The following CNOT3 variants were observed in gnomAD, a reference collection of about 807,000 sequenced individuals.
CNOT3 encodes CCR4-associated factor 3.
In CNOT3, 2 loss-of-function variants were observed where a neutral mutation model predicts 89.4. The observed-to-expected ratio is 0.02, with a 90% CI of 0.01 to 0.07. The LOEUF is 0.07. Among genes scored for constraint, CNOT3 ranks in the 10% least tolerant of loss-of-function variants. CNOT3 has a pLI of 1.00. For synonymous variants in CNOT3, 486 were observed against 402.0 expected, an observed-to-expected ratio of 1.21 and a Z score of -2.50; for missense variants, 664 against 1,010.2, an observed-to-expected ratio of 0.66 and a Z score of 4.65.
intron 12 of CNOT3, 60 bp from the exon 13 acceptor site, chr19:54,149,500 C>T (rs1600469135): frequency 8.0e-6 from 9 of 1,131,266 alleles, no homozygotes; most frequent in Non-Finnish European, 9.9e-6. Flanking sequence ...CCAGGCCTCT[C>T]TGCCCATCCC....
intron 10 of CNOT3, among the ~76,000 whole-genome samples, chr19:54,147,683 A>G (rs889180211): frequency 1.2e-4 from 18 of 152,218 alleles, no homozygotes; most frequent in African/African-American, 4.3e-4. Flanking sequence ...GGTAACTTCC[A>G]GCCCTGTGAG....
intron 1 of CNOT3, 49 bp from the exon 2 acceptor site, chr19:54,142,880 T>C: frequency 1.6e-6 from 2 of 1,287,848 alleles, no homozygotes; most frequent in Admixed American, 1.7e-5. Context: ...CTCTGGGTTT[T>C]TACCAGCCAG....
Position 54,154,032 on chromosome 19 carries a change from A to G in CNOT3, c.2163+192A>G, listed in dbSNP as rs1429100148. 6 of 765,688 alleles carry G rather than the reference A, an allele frequency of 7.8e-6. No homozygotes were observed. In the African/African-American group the frequency reaches 1.0e-4, roughly 13 times the overall value. The allele number at this position is 765,688 out of a possible 1,614,324, so 47.4% of individuals were successfully genotyped here. A position where few individuals can be genotyped will look rare whatever the true frequency, so the allele number is the denominator to read the frequency against. On this transcript the variant is annotated intron_variant, in intron 17 of 17. Transcript: ENST00000221232. ...CCGCCCTCTCATCCTCCACTTGGCC[A>G]GCTCCTAGGCCTCCTGTAGGTCTCA...
intron 1 of CNOT3, chr19:54,141,486 A>T (rs1394867213): frequency 1.3e-5 from 2 of 152,206 alleles, no homozygotes; most frequent in Admixed American, 1.3e-4. Flanking sequence ...TGCTAGTCAC[A>T]TGTGGTGATT....
At chr19:54,146,752 C>A in intron 10 of CNOT3, 95 bp downstream of exon 10, 1 of 785,610 alleles carries the variant, frequency 1.3e-6, no homozygotes, top group Non-Finnish European at 2.3e-6. Flanking sequence ...CTGTGCTGGG[C>A]TGGTGGACAC....
intron 1 of CNOT3, among the ~76,000 whole-genome samples, chr19:54,140,580 C>T (rs1388023683): frequency 1.3e-5 from 2 of 152,100 alleles, no homozygotes; most frequent in Non-Finnish European, 2.9e-5. Context: ...TAGGGATTTT[C>T]TTAGCGGGGA....
Position 54,145,744 on chromosome 19 carries a change from T to C in CNOT3, c.630T>C (p.Tyr210=), listed in dbSNP as rs367791191. The C allele has an allele frequency of 3.7e-6, 6 of 1,613,544 alleles. No individual in the cohort carries two copies. The highest frequency in any genetic ancestry group is 2.2e-5 in the East Asian group (1 of 44,874). The change falls in exon 8 of 18, where the codon TAT becomes TAC. Residue 210 remains tyrosine, a synonymous_variant. Coordinates refer to ENST00000221232, the MANE Select transcript of CNOT3 (RefSeq NM_014516.4). The surrounding 1 kb of genome is among the most constrained non-coding windows in gnomAD (Gnocchi z 5.9). ...IRKIKDDVEY[Y]VDSSQDPDFE... is the part of the protein sequence containing the mutation. Reference sequence around the variant, plus strand: ...AGATCAAGGACGACGTTGAGTACTATGTTGACTCATCCCAGGACCCCGACT... The same window carrying C: ...AGATCAAGGACGACGTTGAGTACTACGTTGACTCATCCCAGGACCCCGACT...
At position 54,152,541 on chromosome 19, in the gene CNOT3, C is replaced by G. The variant is rs2075178195; in HGVS notation, c.1819C>G (p.Leu607Val). The G allele has an allele frequency of 1.2e-6, 2 of 1,614,078 alleles. No homozygotes were observed. Among genetic ancestry groups the G allele is most frequent in the Admixed American group, 1.7e-5 (1 of 60,008 alleles). ...LGVCPLGPVPLTKEQLYQQAM... is the reference protein window; with the variant it reads ...LGVCPLGPVPVTKEQLYQQAM... ...TGTCTGTCCACTGGGCCCTGTGCCC[C>G]TCACCAAGGAGCAGCTCTATCAGCA... Residue 607 changes from leucine to valine, a missense_variant, in exon 15 of 18, where the codon CTC becomes GTC. Physicochemically the swap from Leu to Val is conservative, Grantham distance 32. Coordinates refer to ENST00000221232, the MANE Select transcript of CNOT3 (RefSeq NM_014516.4).
chr19:54,148,345 C>T lies in CNOT3; in HGVS notation c.1092C>T (p.Asn364=), dbSNP rs2074804495. The T allele has an allele frequency of 6.3e-7, 1 of 1,590,996 alleles. No homozygotes were observed. The highest frequency in any genetic ancestry group is 8.6e-7 in the Non-Finnish European group (1 of 1,168,050). Residue 364 remains asparagine (N), a synonymous_variant, in exon 11 of 18, where the codon AAC becomes AAT. Coordinates refer to ENST00000221232, the MANE Select transcript of CNOT3 (RefSeq NM_014516.4). The surrounding 1 kb of genome is among the most constrained non-coding windows in gnomAD (Gnocchi z 6.3). ...AGGCCAGTCCAGCTCCCAGCCACAACTCGGGCACCCCTGCTCCCTATGCCC... is the reference window on the plus strand; with the variant it reads ...AGGCCAGTCCAGCTCCCAGCCACAATTCGGGCACCCCTGCTCCCTATGCCC... ...GPKASPAPSH[N]SGTPAPYAQA... is the part of the protein sequence containing the mutation.
chr19:54,153,476 A>AAT, intron 16 of CNOT3: 1 of 776,278 alleles, frequency 1.3e-6, no homozygotes, highest in East Asian at 2.4e-5. Context: ...ATCACACATT[A>AAT]GTTTTTCTTC....
intron 13 of CNOT3, 97 bp from the exon 14 acceptor site, chr19:54,152,129 C>G: frequency 3.0e-6 from 4 of 1,352,456 alleles, no homozygotes; most frequent in Non-Finnish European, 4.2e-6. Flanking sequence ...CTCCACGGCC[C>G]CCAAACAGGG....
intron 1 of CNOT3, among the ~76,000 whole-genome samples, chr19:54,138,755 C>T (rs971102895): frequency 6.6e-6 from 1 of 152,236 alleles, no homozygotes; most frequent in East Asian, 1.9e-4. Context: ...CCTCTCATAG[C>T]GAGTAGCGCC....
chr19:54,153,389 C>T (rs781072413), intron 16 of CNOT3: 1 of 768,070 alleles, frequency 1.3e-6, no homozygotes, highest in Non-Finnish European at 2.4e-6. Context: ...CCCCTCCCAA[C>T]CCCAGTGAGT....
Position 54,148,166 on chromosome 19 carries a change from T to A in CNOT3, c.913T>A (p.Ser305Thr). Residue 305 changes from serine to threonine, a missense_variant, in exon 11 of 18, where the codon TCC (serine) becomes ACC (threonine). Coordinates refer to ENST00000221232, the MANE Select transcript of CNOT3 (RefSeq NM_014516.4). The surrounding 1 kb of genome is among the most constrained non-coding windows in gnomAD (Gnocchi z 6.3). Reference sequence around the variant, plus strand: ...CCCGCAGTCTCCAGCCAAAAACGGCTCCAAGCCTGTCCACAGCAACCAGCA... The same window carrying A: ...CCCGCAGTCTCCAGCCAAAAACGGCACCAAGCCTGTCCACAGCAACCAGCA... The part of the protein sequence containing the change: ...EVSQSPAKNG[S>T]KPVHSNQHPQ... 1.3e-6 allele frequency: 2 copies of A among 1,539,212 alleles called. No homozygotes were observed. The highest frequency in any genetic ancestry group is 8.7e-7 in the Non-Finnish European group (1 of 1,144,620).
At chr19:54,155,150 G>T (rs574530740) in intron 17 of CNOT3, 159 bp from the exon 18 acceptor site, 2 of 729,898 alleles carry the variant, frequency 2.7e-6, no homozygotes, top group Admixed American at 3.1e-5. Context: ...TACCCAAGAA[G>T]AACCTTGTGA....
rs937200366 is a variant in CNOT3, at chr19:54,144,913, G to T, written c.483+581G>T. The stretch of plus-strand genomic sequence containing the variant: ...GGAGAGCCGGGTCCTCAGGGAAGCT[G>T]TGGGTGGGAGAGGGTCAGGAAGTGG... On this transcript the variant is annotated intron_variant, in intron 7 of 17. Coordinates refer to ENST00000221232, the MANE Select transcript of CNOT3 (RefSeq NM_014516.4). The surrounding 1 kb of genome is among the most constrained non-coding windows in gnomAD (Gnocchi z 4.8). Among the ~76,000 whole-genome samples the T allele has an allele frequency of 6.6e-6, 1 of 152,152 alleles. No individual in the cohort carries two copies. Among genetic ancestry groups the T allele is most frequent in the Non-Finnish European group, 1.5e-5 (1 of 68,018 alleles).
At chr19:54,139,724 T>C (rs2074372533) in intron 1 of CNOT3, among the ~76,000 whole-genome samples, 1 of 152,096 alleles carries the variant, frequency 6.6e-6, no homozygotes, top group Non-Finnish European at 1.5e-5. Context: ...AGGCATAGTT[T>C]CCTGGCTGTG....
Position 54,152,645 on chromosome 19 carries a change from G to A in CNOT3, c.1904+19G>A, listed in dbSNP as rs1195998144. ...GTATTCGGTGAGGGGCCACAGGGAA[G>A]GGGGATGGTCTGGGACTTGAGTCTT... On this transcript the variant is annotated intron_variant, in intron 15 of 17. Transcript: ENST00000221232. 4 of 1,594,356 alleles carry A rather than the reference G, an allele frequency of 2.5e-6. No homozygotes were observed. The highest frequency in any genetic ancestry group is 3.4e-6 in the Non-Finnish European group (4 of 1,164,952).
At chr19:54,150,202 A>G (rs2074992278) in intron 13 of CNOT3, among the ~76,000 whole-genome samples, 1 of 151,732 alleles carries the variant, frequency 6.6e-6, no homozygotes, top group Admixed American at 6.6e-5. Context: ...GCTGCAGGGA[A>G]GGTTGCGGTG....
Sources: allele counts gnomAD v4.1 joint callset (sites outside exome capture counted in the v4.1 genomes callset), GRCh38; gene constraint gnomAD v4.1.1; non-coding constraint Gnocchi (gnomAD v3.1); transcripts MANE v1.5; gene names NCBI Gene and HGNC (gene_info 2026-07-23, HGNC 2026-07-21).